GPC6: variants seen among roughly 807,000 people sequenced by gnomAD.
The protein encoded by GPC6 is glypican 6.
Under a neutral mutation model 55.2 loss-of-function variants are expected in GPC6, and 14 were observed. That is an observed-to-expected ratio of 0.25 (90% CI 0.17 to 0.40). The LOEUF is 0.40. Among genes scored for constraint, GPC6 ranks in the 10% least tolerant of loss-of-function variants. The pLI is 1.00. For missense variants in GPC6, 641 were observed against 708.5 expected (o/e 0.90, Z 1.08); for synonymous variants, 278 against 259.6 (o/e 1.07, Z -0.68).
intron 2 of GPC6, among the ~76,000 whole-genome samples, chr13:93,822,130 A>G (rs1353449482): frequency 3.3e-5 from 5 of 152,070 alleles, no homozygotes; most frequent in Non-Finnish European, 5.9e-5. Context: ...GTATATATAA[A>G]TATACACATT....
At chr13:93,490,843 A>G (rs1322068412) in intron 1 of GPC6, among the ~76,000 whole-genome samples, 2 of 95,150 alleles carry the variant, frequency 2.1e-5, no homozygotes, top group African/African-American at 7.8e-5. Flanking sequence ...TACAAAGGAC[A>G]TGAACTCATC....
chr13:93,839,715 A>G lies in GPC6; in HGVS notation c.711+9170A>G, dbSNP rs562622205. ...TTATTGTCCCGTCTTCAGAGATTCA[A>G]TGTTATGAGGATGTTCCCTGGTGCA... On this transcript the variant is annotated intron_variant, in intron 3 of 8. Coordinates refer to ENST00000377047, the MANE Select transcript of GPC6 (RefSeq NM_005708.5). Among the ~76,000 whole-genome samples the G allele has an allele frequency of 3.3e-5, 5 of 152,152 alleles. No individual in the cohort carries two copies. In the East Asian group the frequency reaches 5.8e-4, roughly 18 times the overall value.
intron 1 of GPC6, among the ~76,000 whole-genome samples, chr13:93,346,486 G>T (rs542763903): frequency 6.6e-4 from 101 of 152,260 alleles, no homozygotes; most frequent in African/African-American, 2.4e-3. Context: ...TACCTGATCT[G>T]TAAGTGTCTG....
intron 1 of GPC6, among the ~76,000 whole-genome samples, chr13:93,488,631 G>T (rs1382576101): frequency 2.6e-5 from 4 of 152,244 alleles, no homozygotes; most frequent in Middle Eastern, 3.4e-3. Flanking sequence ...TCCAGCACCT[G>T]TTGTTTCCTG....
chr13:93,692,791 A>G (rs1384442913), intron 2 of GPC6, among the ~76,000 whole-genome samples: 3 of 152,140 alleles, frequency 2.0e-5, no homozygotes, highest in Admixed American at 1.3e-4. Flanking sequence ...ACTTTTCTCT[A>G]TATTTATATA....
intron 1 of GPC6, among the ~76,000 whole-genome samples, chr13:93,344,952 G>T (rs150066695): frequency 1.3e-5 from 2 of 152,162 alleles, no homozygotes; most frequent in South Asian, 2.1e-4. Context: ...GAATGCATAA[G>T]GTAATTCTTT....
intron 5 of GPC6, 36 bp from the exon 6 acceptor site, chr13:94,305,944 T>C: frequency 6.2e-7 from 1 of 1,608,016 alleles, no homozygotes; most frequent in Non-Finnish European, 8.5e-7. Flanking sequence ...GAAAACTCAT[T>C]GTATAGCTGT....
intron 1 of GPC6, among the ~76,000 whole-genome samples, chr13:93,423,048 C>CAT (rs372581551): frequency 0.15 from 18,768 of 123,828 alleles, 1,536 homozygotes; most frequent in East Asian, 0.28. Context: ...ATGGTGGTCA[C>CAT]ACCCCACCAG....
chr13:94,197,533 G>A (rs1448484426), intron 4 of GPC6, among the ~76,000 whole-genome samples: 1 of 152,156 alleles, frequency 6.6e-6, no homozygotes, highest in East Asian at 1.9e-4. Context: ...TCACGTGGCA[G>A]AGAGAGAGTG....
chr13:93,466,672 G>C (rs1466434302), intron 1 of GPC6, among the ~76,000 whole-genome samples: 2 of 152,134 alleles, frequency 1.3e-5, no homozygotes, highest in East Asian at 3.8e-4. Flanking sequence ...TGATGGACAG[G>C]GTCCTTGTTT....
At chr13:93,324,394 C>T (rs1879565367) in intron 1 of GPC6, among the ~76,000 whole-genome samples, 1 of 150,864 alleles carries the variant, frequency 6.6e-6, no homozygotes, top group South Asian at 2.1e-4. Flanking sequence ...AGACTATAGT[C>T]AATAATTTAA....
At chr13:94,289,106 G>T (rs1332597721) in intron 5 of GPC6, among the ~76,000 whole-genome samples, 1 of 150,864 alleles carries the variant, frequency 6.6e-6, no homozygotes, top group African/African-American at 2.4e-5. Context: ...CATAGAAATT[G>T]TAGGCAGATG....
intron 3 of GPC6, among the ~76,000 whole-genome samples, chr13:93,872,382 A>G (rs1417679452): frequency 1.3e-5 from 2 of 152,014 alleles, no homozygotes; most frequent in Admixed American, 1.3e-4. Context: ...TCATAAAGCA[A>G]TGCATCCATT....
At chr13:93,601,642 T>A (rs1194726338) in intron 2 of GPC6, among the ~76,000 whole-genome samples, 2 of 152,186 alleles carry the variant, frequency 1.3e-5, no homozygotes, top group Non-Finnish European at 2.9e-5. Flanking sequence ...TGGCTTGAGG[T>A]TAATTTAGAG....
intron 3 of GPC6, among the ~76,000 whole-genome samples, chr13:94,010,520 G>A (rs776879554): frequency 5.9e-5 from 9 of 152,076 alleles, no homozygotes; most frequent in Non-Finnish European, 1.0e-4. Flanking sequence ...AATTACCAAA[G>A]GACTCTACGT....
chr13:93,669,833 G>GAA (rs58206455), intron 2 of GPC6, among the ~76,000 whole-genome samples: 4 of 147,900 alleles, frequency 2.7e-5, no homozygotes, highest in Non-Finnish European at 4.5e-5. Context: ...AAAGCCTTAA[G>GAA]AAAAAAAAAA....
chr13:93,833,605 A>G (rs1327944978), intron 3 of GPC6, among the ~76,000 whole-genome samples: 1 of 151,768 alleles, frequency 6.6e-6, no homozygotes, highest in Non-Finnish European at 1.5e-5. Context: ...CTCTACATTT[A>G]TGGTGACTTT....
rs899302020 is a variant in GPC6, at chr13:94,008,130, C to T, written c.712-19599C>T. On this transcript the variant is annotated intron_variant, in intron 3 of 8. Transcript: ENST00000377047. ...ATAGGAATTTTCTTCTCAAATGCAG[C>T]ACATTTTCACATCTCTCACACATAC... Among the ~76,000 whole-genome samples, 6 of 152,236 alleles carry T rather than the reference C, an allele frequency of 3.9e-5. No homozygotes were observed. The East Asian group carries it at 1.2e-3, about 29-fold the overall frequency.
At chr13:93,664,674 G>T (rs1881060583) in intron 2 of GPC6, among the ~76,000 whole-genome samples, 1 of 152,064 alleles carries the variant, frequency 6.6e-6, no homozygotes, top group Non-Finnish European at 1.5e-5. Flanking sequence ...CTGGAGTGCA[G>T]TCATGTGATC....
Sources: gnomAD v4.1 joint callset for allele counts (sites outside exome capture counted in the v4.1 genomes callset) on GRCh38, gnomAD v4.1.1 for gene constraint, MANE v1.5 for transcripts, NCBI Gene and HGNC (gene_info 2026-07-23, HGNC 2026-07-21) for gene names.